Variants in DNAAF11 observed in about 807,000 individuals in gnomAD.
DNAAF11 encodes the protein leucine rich repeat containing 6.
In DNAAF11, 45 loss-of-function variants were observed where a neutral mutation model predicts 60.8. The ratio of observed to expected loss-of-function variants is 0.74; its 90% CI spans 0.58 to 0.95. The LOEUF (loss-of-function observed/expected upper bound fraction) is 0.95, where lower values mean the gene tolerates loss of function less well. Among genes scored for constraint, DNAAF11 ranks in the 40% least tolerant of loss-of-function variants. The pLI is 0.00. For missense variants in DNAAF11, 546 were observed against 546.2 expected, an observed-to-expected ratio of 1.00 and a Z score of 0.00; for synonymous variants, 191 against 183.5, an observed-to-expected ratio of 1.04 and a Z score of -0.33.
intron 3 of DNAAF11, among the ~76,000 whole-genome samples, chr8:132,640,398 C>T (rs1821739691): frequency 6.6e-6 from 1 of 152,108 alleles, no homozygotes; most frequent in Non-Finnish European, 1.5e-5. Flanking sequence ...AAATGATAAC[C>T]CACTATCTGA....
chr8:132,626,008 T>G (rs1820235694), intron 5 of DNAAF11, among the ~76,000 whole-genome samples: 1 of 152,154 alleles, frequency 6.6e-6, no homozygotes, highest in Admixed American at 6.5e-5. Flanking sequence ...TAAATGATTC[T>G]CTTATCTCCA....
At chr8:132,674,158 AG>A (rs1825510953) in intron 1 of DNAAF11, among the ~76,000 whole-genome samples, 1 of 126,828 alleles carries the variant, frequency 7.9e-6, no homozygotes, top group Non-Finnish European at 1.7e-5. Context: ...GAGGAGGAGG[AG>A]AAGGAGAAGG....
intron 10 of DNAAF11, among the ~76,000 whole-genome samples, chr8:132,594,239 C>T (rs1190361933): frequency 1.3e-5 from 2 of 152,046 alleles, no homozygotes; most frequent in Non-Finnish European, 2.9e-5. Context: ...CAGTCATTGG[C>T]TGAATCAAGG....
At chr8:132,622,200 G>A (rs1448613549) in intron 7 of DNAAF11, among the ~76,000 whole-genome samples, 2 of 152,178 alleles carry the variant, frequency 1.3e-5, no homozygotes, top group Non-Finnish European at 2.9e-5. Flanking sequence ...GCTCTCCAGT[G>A]CTTTGTAGAT....
At chr8:132,587,576 G>GCAA (rs1816032408) in intron 10 of DNAAF11, among the ~76,000 whole-genome samples, 1 of 152,164 alleles carries the variant, frequency 6.6e-6, no homozygotes, top group African/African-American at 2.4e-5. Flanking sequence ...CCTCCAGGAA[G>GCAA]CAATGCTCAT....
intron 10 of DNAAF11, among the ~76,000 whole-genome samples, chr8:132,601,080 A>G (rs1241374063): frequency 6.6e-6 from 1 of 152,250 alleles, no homozygotes; most frequent in African/African-American, 2.4e-5. Flanking sequence ...TTTACAAGAA[A>G]AAATCAAACA....
intron 5 of DNAAF11, among the ~76,000 whole-genome samples, chr8:132,630,560 A>G (rs536814358): frequency 9.8e-5 from 15 of 152,366 alleles, no homozygotes; most frequent in Non-Finnish European, 2.1e-4. Context: ...TTTAAACTTC[A>G]TAAAACATAA....
chr8:132,674,305 G>A (rs1417857022), intron 1 of DNAAF11, among the ~76,000 whole-genome samples: 2 of 152,084 alleles, frequency 1.3e-5, no homozygotes, highest in African/African-American at 4.8e-5. Flanking sequence ...AATATCAGTA[G>A]CTGATTTAGG....
Position 132,597,364 on chromosome 8 carries a change from C to T in DNAAF11, c.1140+12802G>A, listed in dbSNP as rs28552978. ...CATACCTAGGAGCCTCACCTCGCAA[C>T]GGGAGGCCTGTGAGTTTCCAGTGCC... is the stretch of plus-strand genomic sequence containing the variant. On this transcript the variant is annotated intron_variant, in intron 10 of 11. Coordinates refer to ENST00000620350, the MANE Select transcript of DNAAF11 (RefSeq NM_012472.6). Among the ~76,000 whole-genome samples, 902 of 152,116 alleles carry T rather than the reference C, an allele frequency of 5.9e-3. 8 individuals are homozygous for T. Among genetic ancestry groups the T allele is most frequent in the African/African-American group, 0.02 (828 of 41,480 alleles).
the DNAAF11 span, among the ~76,000 whole-genome samples, chr8:132,694,004 G>A: frequency 4.6e-5 from 7 of 152,148 alleles, no homozygotes; most frequent in African/African-American, 1.7e-4. Flanking sequence ...TTATTATAAC[G>A]GGATCACTGT....
intron 1 of DNAAF11, among the ~76,000 whole-genome samples, chr8:132,667,969 C>A (rs897491401): frequency 3.3e-5 from 5 of 152,138 alleles, no homozygotes; most frequent in Admixed American, 3.3e-4. Context: ...TTCCTTCAGG[C>A]TTTACATCAT....
At chr8:132,633,486 C>T (rs1164266164) in intron 4 of DNAAF11, among the ~76,000 whole-genome samples, 3 of 152,136 alleles carry the variant, frequency 2.0e-5, no homozygotes, top group Non-Finnish European at 2.9e-5. Flanking sequence ...AAAATAAAAG[C>T]ATCAACTAAA....
At chr8:132,659,120 G>A (rs1333365501) in intron 2 of DNAAF11, among the ~76,000 whole-genome samples, 1 of 152,196 alleles carries the variant, frequency 6.6e-6, no homozygotes, top group African/African-American at 2.4e-5. Context: ...TGATTCAGTA[G>A]GTCTGGGGAC....
At chr8:132,645,880 T>C (rs1822328489) in intron 3 of DNAAF11, among the ~76,000 whole-genome samples, 1 of 152,110 alleles carries the variant, frequency 6.6e-6, no homozygotes, top group Non-Finnish European at 1.5e-5. Context: ...CTGAAAGTAA[T>C]GGGGAGAATG....
chr8:132,628,276 G>A (rs1820474228), intron 5 of DNAAF11, among the ~76,000 whole-genome samples: 1 of 152,098 alleles, frequency 6.6e-6, no homozygotes, highest in Admixed American at 6.5e-5. Context: ...CTCGGGCATG[G>A]TGGCACACAC....
the DNAAF11 span, among the ~76,000 whole-genome samples, chr8:132,700,829 A>G: frequency 6.6e-6 from 1 of 152,222 alleles, no homozygotes; most frequent in Non-Finnish European, 1.5e-5. Context: ...TGATTGCCCA[A>G]AGAAAAGGGT....
intron 10 of DNAAF11, among the ~76,000 whole-genome samples, chr8:132,584,012 C>T (rs1417968176): frequency 6.6e-6 from 1 of 151,972 alleles, no homozygotes; most frequent in Non-Finnish European, 1.5e-5. Context: ...TGCCAAAGGC[C>T]AAGCAGGAGA....
intron 10 of DNAAF11, among the ~76,000 whole-genome samples, chr8:132,585,845 A>T (rs1204853624): frequency 6.6e-6 from 1 of 152,192 alleles, no homozygotes; most frequent in East Asian, 1.9e-4. Flanking sequence ...GACCAATGTT[A>T]TATTTGTGGA....
chr8:132,618,580 T>A (rs1310835750), intron 7 of DNAAF11, among the ~76,000 whole-genome samples: 4 of 125,182 alleles, frequency 3.2e-5, no homozygotes, highest in Non-Finnish European at 5.0e-5. Flanking sequence ...GAATCTACAA[T>A]GAACTCAAAC....
Sources: gnomAD v4.1 joint callset for allele counts (sites outside exome capture counted in the v4.1 genomes callset) on GRCh38, gnomAD v4.1.1 for gene constraint, MANE v1.5 for transcripts, NCBI Gene and HGNC (gene_info 2026-07-23, HGNC 2026-07-21) for gene names.